Variants in GEMIN6 observed in about 807,000 individuals in gnomAD.
GEMIN6 encodes gem-associated protein 6.
In GEMIN6, 13 loss-of-function variants were observed where a neutral mutation model predicts 14.1. The observed-to-expected ratio is 0.92, with a 90% CI of 0.60 to 1.46. The LOEUF (loss-of-function observed/expected upper bound fraction) is 1.46. Among genes scored for constraint, GEMIN6 ranks in the 40% most tolerant of loss-of-function variants. GEMIN6 has a pLI of 0.00. For missense variants in GEMIN6, 271 were observed against 202.4 expected (o/e 1.34, Z -2.06); for synonymous variants, 87 against 70.0 (o/e 1.24, Z -1.21).
rs750107507 is a variant in GEMIN6, at chr2:38,783,505, TTTTTTA to T, written c.*1614_*1619del. On this transcript the variant is annotated 3_prime_UTR_variant, in exon 3 of 3. Transcript: ENST00000281950. ...TGCCTGGCTTTTTTTTTTTTTTTTT[TTTTTTA>T]AAAGAGGGTCTTGATATGTTGCCCA... 5.1e-3 allele frequency: 566 copies of T among 111,534 alleles called. 14 individuals are homozygous for T. The highest frequency in any genetic ancestry group is 0.042 in the South Asian group (122 of 2,888). The allele number at this position is 111,534 out of a possible 1,614,324, so 6.9% of individuals were successfully genotyped here.
intron 2 of GEMIN6, among the ~76,000 whole-genome samples, chr2:38,781,156 T>C (rs1347361087): frequency 2.0e-5 from 3 of 151,544 alleles, no homozygotes; most frequent in Non-Finnish European, 4.4e-5. Context: ...TTAGTAGGGA[T>C]TGGGTTTCAC....
chr2:38,781,441 C>A (rs111353158), intron 2 of GEMIN6, 76 bp from the exon 3 acceptor site: 2 of 1,357,070 alleles, frequency 1.5e-6, no homozygotes, highest in Non-Finnish European at 2.0e-6. Context: ...TAATTTCAAA[C>A]AGAGTAGAGT....
chr2:38,779,654 ATATATATATATT>A (rs1669033334), intron 2 of GEMIN6, among the ~76,000 whole-genome samples: 1 of 26,400 alleles, frequency 3.8e-5, no homozygotes, highest in Non-Finnish European at 1.1e-4. Context: ...ATATATATAT[ATATATATATATT>A]TTTTTTTTTT....
In GEMIN6 at chr2:38,779,016, C is replaced by T. The variant is rs751756949; in HGVS notation, c.26C>T (p.Pro9Leu). 3 of 1,612,924 alleles carry T rather than the reference C, an allele frequency of 1.9e-6. No individual in the cohort carries two copies. The highest frequency in any genetic ancestry group is 1.1e-5 in the South Asian group (1 of 90,924). Residue 9 changes from proline (P) to leucine (L), a missense_variant, in exon 2 of 3, where the codon CCC becomes CTC. Physicochemically the swap from Pro to Leu is moderately conservative, Grantham distance 98. Transcript: ENST00000281950. ...ATGAGTGAATGGATGAAGAAAGGCC[C>T]CTTAGAATGGCAAGATTACATTTAC... is the stretch of plus-strand genomic sequence containing the variant. MSEWMKKG[P>L]LEWQDYIYKE...
Position 38,782,175 on chromosome 2 carries a change from C to T in GEMIN6, c.*283C>T, listed in dbSNP as rs976921536. 1.5e-5 allele frequency: 4 copies of T among 258,258 alleles called. No homozygotes were observed. In the East Asian group the frequency reaches 2.6e-4, roughly 17 times the overall value. 16.0% of individuals were successfully genotyped at this position (258,258 alleles called of 1,614,324 possible). ...TTCTTTTTTTTTTGAGATGGAGTCT[C>T]GCTCTGTTGCCAGGTTTGAGTGCAG... is the stretch of plus-strand genomic sequence containing the variant. On this transcript the variant is annotated 3_prime_UTR_variant, in exon 3 of 3. Coordinates refer to ENST00000281950, the MANE Select transcript of GEMIN6 (RefSeq NM_024775.10).
intron 2 of GEMIN6, among the ~76,000 whole-genome samples, chr2:38,780,695 C>G (rs988814350): frequency 6.6e-6 from 1 of 151,562 alleles, no homozygotes; most frequent in African/African-American, 2.4e-5. Flanking sequence ...ATGGCTCGAT[C>G]TCGGCTCACT....
chr2:38,780,540 A>G (rs1669056834), intron 2 of GEMIN6, among the ~76,000 whole-genome samples: 1 of 148,792 alleles, frequency 6.7e-6, no homozygotes, highest in Admixed American at 6.7e-5. Flanking sequence ...GGGTTTCACC[A>G]TGTTAGCCAG....
chr2:38,779,677 T>A (rs1669038101), intron 2 of GEMIN6, among the ~76,000 whole-genome samples: 1 of 107,714 alleles, frequency 9.3e-6, no homozygotes, highest in Admixed American at 9.5e-5. Context: ...TTTTTTTTTT[T>A]TTTTTTTTTT....
intron 1 of GEMIN6, among the ~76,000 whole-genome samples, chr2:38,778,517 A>G (rs1162403665): frequency 6.6e-6 from 1 of 152,142 alleles, no homozygotes; most frequent in African/African-American, 2.4e-5. Context: ...GTGGGTGGAT[A>G]TCAGGAGAGT....
At chr2:38,779,792 A>G (rs1572592501) in intron 2 of GEMIN6, among the ~76,000 whole-genome samples, 1 of 140,146 alleles carries the variant, frequency 7.1e-6, no homozygotes, top group East Asian at 2.2e-4. Context: ...AGTGATTCTC[A>G]TGCCTCAGCC....
At chr2:38,780,433 C>T (rs545916674) in intron 2 of GEMIN6, among the ~76,000 whole-genome samples, 45 of 151,884 alleles carry the variant, frequency 3.0e-4, no homozygotes, top group Middle Eastern at 6.8e-3. Flanking sequence ...GGCGTGATCT[C>T]AGTTCACTGC....
At position 38,783,957 on chromosome 2, in the gene GEMIN6, T is replaced by C. The variant is rs780643134; in HGVS notation, c.*2065T>C. ...ACAGATTCTGATTCAGTAGTTCTAG[T>C]TGGGACCCAGGAATTTGCATTTCCA... On this transcript the variant is annotated 3_prime_UTR_variant, in exon 3 of 3. Transcript: ENST00000281950. 6.6e-6 allele frequency: 1 copy of C among 152,138 alleles called. No individual in the cohort carries two copies. Among genetic ancestry groups the C allele is most frequent in the Non-Finnish European group, 1.5e-5 (1 of 68,020 alleles). The allele number at this position is 152,138 out of a possible 1,614,324, so 9.4% of individuals were successfully genotyped here. A position where few individuals can be genotyped will look rare whatever the true frequency, so the allele number is the denominator to read the frequency against.
In GEMIN6 at chr2:38,782,941, T is replaced by C. The variant is rs1669122012; in HGVS notation, c.*1049T>C. ...TGGAGTGTAATAGTGCAATCTCGGC[T>C]TACCACAACCTCTGCCTCCCAGGTT... On this transcript the variant is annotated 3_prime_UTR_variant, in exon 3 of 3. Transcript: ENST00000281950. 1 of 152,126 alleles carries C rather than the reference T, an allele frequency of 6.6e-6. No individual in the cohort carries two copies. Among genetic ancestry groups the C allele is most frequent in the Admixed American group, 6.6e-5 (1 of 15,264 alleles). 9.4% of individuals were successfully genotyped at this position (152,126 alleles called of 1,614,324 possible).
chr2:38,784,890 G>T lies in GEMIN6; in HGVS notation c.*2998G>T, dbSNP rs1279197784. On this transcript the variant is annotated 3_prime_UTR_variant, in exon 3 of 3. Transcript: ENST00000281950. ...TGTGATTCCACATTCCCCAGAGGGAGATTCCTCCCCAAAGCTGGTTGTATT... is the reference window on the plus strand; with the variant it reads ...TGTGATTCCACATTCCCCAGAGGGATATTCCTCCCCAAAGCTGGTTGTATT... 3 of 152,210 alleles carry T rather than the reference G, an allele frequency of 2.0e-5. No individual in the cohort carries two copies. In the East Asian group the frequency reaches 5.8e-4, roughly 29 times the overall value. The allele number at this position is 152,210 out of a possible 1,614,324, so 9.4% of individuals were successfully genotyped here.
At position 38,783,651 on chromosome 2, in the gene GEMIN6, A is replaced by G. The variant is rs1669140855; in HGVS notation, c.*1759A>G. On this transcript the variant is annotated 3_prime_UTR_variant, in exon 3 of 3. Transcript: ENST00000281950. The stretch of plus-strand genomic sequence containing the variant: ...TGTAAGAAATATTTTAAAATATTTA[A>G]GCTTCAGGGCCTTTGAATACAGGCC... The G allele has an allele frequency of 1.3e-5, 2 of 152,154 alleles. No individual in the cohort carries two copies. Among genetic ancestry groups the G allele is most frequent in the South Asian group, 4.1e-4 (2 of 4,826 alleles). The allele number at this position is 152,154 out of a possible 1,614,324, so 9.4% of individuals were successfully genotyped here.
Position 38,783,945 on chromosome 2 carries a change from C to G in GEMIN6, c.*2053C>G, listed in dbSNP as rs1316399127. 6.6e-6 allele frequency: 1 copy of G among 152,146 alleles called. No homozygotes were observed. Among genetic ancestry groups the G allele is most frequent in the African/African-American group, 2.4e-5 (1 of 41,444 alleles). 9.4% of individuals were successfully genotyped at this position (152,146 alleles called of 1,614,324 possible). A position where few individuals can be genotyped will look rare whatever the true frequency, so the allele number is the denominator to read the frequency against. ...ACCCTCCTCCCAACAGATTCTGATT[C>G]AGTAGTTCTAGTTGGGACCCAGGAA... On this transcript the variant is annotated 3_prime_UTR_variant, in exon 3 of 3. Transcript: ENST00000281950.
rs1361493616 is a variant in GEMIN6, at chr2:38,784,488, T to C, written c.*2596T>C. 1 of 150,592 alleles carries C rather than the reference T, an allele frequency of 6.6e-6. No homozygotes were observed. Among genetic ancestry groups the C allele is most frequent in the Non-Finnish European group, 1.5e-5 (1 of 67,888 alleles). 9.3% of individuals were successfully genotyped at this position (150,592 alleles called of 1,614,324 possible). A position where few individuals can be genotyped will look rare whatever the true frequency, so the allele number is the denominator to read the frequency against. ...AGGTGGAGGTTGCAGTGAGCCGAGATTGTACGCATTCCAGCTTGGGCAGCA... is the reference window on the plus strand; with the variant it reads ...AGGTGGAGGTTGCAGTGAGCCGAGACTGTACGCATTCCAGCTTGGGCAGCA... On this transcript the variant is annotated 3_prime_UTR_variant, in exon 3 of 3. Coordinates refer to ENST00000281950, the MANE Select transcript of GEMIN6 (RefSeq NM_024775.10).
At chr2:38,781,469 T>G (rs767382736) in intron 2 of GEMIN6, 48 bp from the exon 3 acceptor site, 2 of 1,528,152 alleles carry the variant, frequency 1.3e-6, no homozygotes, top group South Asian at 2.6e-5. Flanking sequence ...ATTATTTTAG[T>G]GACCTACTTG....
chr2:38,779,106 CAG>C lies in GEMIN6; in HGVS notation c.117_118del (p.Val40LeufsTer11). Reference sequence around the variant, plus strand: ...AAAGGATGGGTTTTAACTACAGACCCAGTCTCTGCCAAGTGAGTATGCATCCT... The same window carrying C: ...AAAGGATGGGTTTTAACTACAGACCCTCTCTGCCAAGTGAGTATGCATCCT... On this transcript the variant is annotated frameshift_variant, in exon 2 of 3. Transcript: ENST00000281950. LOFTEE classifies it high-confidence loss of function. 1.2e-6 allele frequency: 2 copies of C among 1,612,462 alleles called. No homozygotes were observed. Among genetic ancestry groups the C allele is most frequent in the Non-Finnish European group, 8.5e-7 (1 of 1,179,284 alleles).
Sources: allele counts gnomAD v4.1 joint callset (sites outside exome capture counted in the v4.1 genomes callset), GRCh38; gene constraint gnomAD v4.1.1; transcripts MANE v1.5; gene names NCBI Gene and HGNC (gene_info 2026-07-23, HGNC 2026-07-21).